Variants in HP1BP3 observed in about 807,000 individuals in gnomAD.
HP1BP3 encodes the protein heterochromatin protein 1-binding protein 3.
In HP1BP3, 12 loss-of-function variants were observed where a neutral mutation model predicts 62.5. The observed-to-expected ratio is 0.19, with a 90% CI of 0.12 to 0.31. The LOEUF is 0.31. Ranked by LOEUF, HP1BP3 falls within the 10% of genes least tolerant of loss-of-function variation. The pLI is 1.00. For missense variants in HP1BP3, 502 were observed against 651.8 expected (o/e 0.77, Z 2.50); for synonymous variants, 260 against 237.8 (o/e 1.09, Z -0.86).
intron 8 of HP1BP3, among the ~76,000 whole-genome samples, chr1:20,764,525 T>C (rs996711083): frequency 6.6e-6 from 1 of 151,806 alleles, no homozygotes; most frequent in Non-Finnish European, 1.5e-5. Context: ...TTTTTTTGTT[T>C]TTTTTCTTTT....
At position 20,776,651 on chromosome 1, in the gene HP1BP3, T is replaced by C; in HGVS notation, c.296A>G (p.Glu99Gly). The C allele has an allele frequency of 6.2e-7, 1 of 1,614,000 alleles. No individual in the cohort carries two copies. The highest frequency in any genetic ancestry group is 1.1e-5 in the South Asian group (1 of 91,050). Residue 99 changes from glutamate (E) to glycine (G), a missense_variant, in exon 4 of 13, where the codon GAA becomes GGA. Around this residue, in one of 5 missense-constraint regions of HP1BP3, gnomAD observed 165 missense variants for 156.4 expected, o/e 1.05. Coordinates refer to ENST00000438032, the MANE Select transcript of HP1BP3 (RefSeq NM_001372052.1). ...TSSEAEQPKG[E>G]PENEEKEENK... Reference sequence around the variant, plus strand: ...TTCTTCCTTCTCTTCATTCTCAGGTTCCCCCTTTGGCTGCTCTGCCTCACT... The same window carrying C: ...TTCTTCCTTCTCTTCATTCTCAGGTCCCCCCTTTGGCTGCTCTGCCTCACT...
At chr1:20,784,151 G>A (rs566949731) in intron 1 of HP1BP3, among the ~76,000 whole-genome samples, 1 of 151,942 alleles carries the variant, frequency 6.6e-6, no homozygotes, top group African/African-American at 2.4e-5. Context: ...TCTCTTTTTT[G>A]TATCAACAGG....
intron 10 of HP1BP3, among the ~76,000 whole-genome samples, chr1:20,748,501 C>T (rs2055486687): frequency 6.6e-6 from 1 of 152,220 alleles, no homozygotes. Context: ...AATCCCAGCA[C>T]TTTGGGAGGC....
chr1:20,775,737 C>G (rs2057276191), intron 4 of HP1BP3: 1 of 387,410 alleles, frequency 2.6e-6, no homozygotes, highest in Non-Finnish European at 4.6e-6. Context: ...TGTGTTATAA[C>G]TGCCTACAGT....
chr1:20,747,524 A>G lies in HP1BP3; in HGVS notation c.1253+20T>C. The G allele has an allele frequency of 7.1e-7, 1 of 1,408,978 alleles. No individual in the cohort carries two copies. Among genetic ancestry groups the G allele is most frequent in the Non-Finnish European group, 1.0e-6 (1 of 1,000,084 alleles). 87.3% of individuals were successfully genotyped at this position (1,408,978 alleles called of 1,614,324 possible). A position where few individuals can be genotyped will look rare whatever the true frequency, so the allele number is the denominator to read the frequency against. On this transcript the variant is annotated intron_variant, in intron 11 of 12. Coordinates refer to ENST00000438032, the MANE Select transcript of HP1BP3 (RefSeq NM_001372052.1). Reference sequence around the variant, plus strand: ...TTAGACTATAAATTTACAGTGATCTATTATAGGCTAAGTACTTACCTGGGA... The same window carrying G: ...TTAGACTATAAATTTACAGTGATCTGTTATAGGCTAAGTACTTACCTGGGA...
In HP1BP3 at chr1:20,743,383, GC is replaced by G. The variant is rs2055141036; in HGVS notation, c.*1413del. On this transcript the variant is annotated 3_prime_UTR_variant, in exon 13 of 13. Coordinates refer to ENST00000438032, the MANE Select transcript of HP1BP3 (RefSeq NM_001372052.1). ...TAAACATATGATCAAGAAGATTTGG[GC>G]CGTGAGTGGTAGCTCACATCTGTAA... The G allele has an allele frequency of 6.6e-6, 1 of 152,304 alleles. No homozygotes were observed. Among genetic ancestry groups the G allele is most frequent in the South Asian group, 2.1e-4 (1 of 4,824 alleles). 9.4% of individuals were successfully genotyped at this position (152,304 alleles called of 1,614,324 possible).
At chr1:20,774,707 G>C (rs113407297) in intron 4 of HP1BP3, 5,129 of 152,292 alleles carry the variant, frequency 0.034, 167 homozygotes, top group East Asian at 0.12. Flanking sequence ...CATATTGGCT[G>C]GGCGCGGTGA....
intron 9 of HP1BP3, among the ~76,000 whole-genome samples, chr1:20,752,090 T>C (rs1279353224): frequency 1.3e-5 from 2 of 151,764 alleles, no homozygotes; most frequent in Admixed American, 6.6e-5. Context: ...TGAAACCCCA[T>C]CTCTACTAAA....
intron 9 of HP1BP3, among the ~76,000 whole-genome samples, chr1:20,756,465 G>T (rs942147459): frequency 6.6e-6 from 1 of 152,016 alleles, no homozygotes; most frequent in East Asian, 1.9e-4. Flanking sequence ...AGCACTTTGG[G>T]AGGCTGACGC....
intron 5 of HP1BP3, among the ~76,000 whole-genome samples, chr1:20,772,780 T>C (rs2057117059): frequency 6.6e-6 from 1 of 152,122 alleles, no homozygotes; most frequent in South Asian, 2.1e-4. Flanking sequence ...CAAAATTAAA[T>C]GAAAAGACTT....
intron 8 of HP1BP3, among the ~76,000 whole-genome samples, chr1:20,759,283 C>A (rs2056319890): frequency 6.6e-6 from 1 of 152,072 alleles, no homozygotes; most frequent in Non-Finnish European, 1.5e-5. Flanking sequence ...GCCTGTAATC[C>A]CAGCTACTTG....
intron 1 of HP1BP3, among the ~76,000 whole-genome samples, chr1:20,784,679 T>C (rs947797654): frequency 1.3e-5 from 2 of 152,016 alleles, no homozygotes; most frequent in Non-Finnish European, 2.9e-5. Flanking sequence ...GGTTTCACCG[T>C]GTTAGCCAGG....
chr1:20,783,736 C>T (rs1405147245), intron 1 of HP1BP3, among the ~76,000 whole-genome samples: 2 of 131,332 alleles, frequency 1.5e-5, no homozygotes, highest in African/African-American at 5.8e-5. Flanking sequence ...TGCCACTGCA[C>T]TCCAGCCTGG....
intron 8 of HP1BP3, among the ~76,000 whole-genome samples, chr1:20,760,287 C>T (rs2056390824): frequency 6.6e-6 from 1 of 152,046 alleles, no homozygotes; most frequent in Non-Finnish European, 1.5e-5. Flanking sequence ...ACCTGTAATC[C>T]CAACACCTGG....
At chr1:20,751,453 G>A (rs546164181) in intron 9 of HP1BP3, among the ~76,000 whole-genome samples, 5 of 152,118 alleles carry the variant, frequency 3.3e-5, no homozygotes, top group South Asian at 2.1e-4. Context: ...CAGGGAGCAC[G>A]GTAGTTCATA....
intron 8 of HP1BP3, among the ~76,000 whole-genome samples, chr1:20,764,618 A>T (rs2154540568): frequency 6.6e-6 from 1 of 150,990 alleles, no homozygotes; most frequent in African/African-American, 2.4e-5. Flanking sequence ...AATACTACAT[A>T]TCTTAACAGC....
intron 8 of HP1BP3, among the ~76,000 whole-genome samples, chr1:20,761,097 T>G (rs1056646001): frequency 6.6e-6 from 1 of 152,096 alleles, no homozygotes; most frequent in African/African-American, 2.4e-5. Flanking sequence ...CAGGCTGGAG[T>G]GCAGTGGTGT....
chr1:20,754,795 C>T (rs2056000825), intron 9 of HP1BP3, among the ~76,000 whole-genome samples: 1 of 152,034 alleles, frequency 6.6e-6, no homozygotes, highest in Non-Finnish European at 1.5e-5. Flanking sequence ...TAAATTATAC[C>T]CTTACCTCTC....
intron 7 of HP1BP3, among the ~76,000 whole-genome samples, 178 bp downstream of exon 7, chr1:20,767,406 T>C (rs2056839061): frequency 6.6e-6 from 1 of 152,230 alleles, no homozygotes; most frequent in Admixed American, 6.5e-5. Context: ...ACTGCTTGGA[T>C]CTGCACCTTG....
Sources: allele counts gnomAD v4.1 joint callset (sites outside exome capture counted in the v4.1 genomes callset), GRCh38; gene constraint gnomAD v4.1.1; regional missense constraint gnomAD v4.1.1; transcripts MANE v1.5; gene names NCBI Gene and HGNC (gene_info 2026-07-23, HGNC 2026-07-21).